PRKAG2: variants seen among roughly 807,000 people sequenced by gnomAD.
PRKAG2 encodes the protein 5'-AMP-activated protein kinase subunit gamma-2.
A neutral mutation model predicts 69.6 loss-of-function variants in PRKAG2; 26 were observed. The ratio of observed to expected loss-of-function variants is 0.37; its 90% CI spans 0.27 to 0.52. The LOEUF (loss-of-function observed/expected upper bound fraction) is 0.52. Ranked by LOEUF, PRKAG2 falls within the 20% of genes least tolerant of loss-of-function variation. The pLI is 0.90. For missense variants in PRKAG2, 557 were observed against 740.0 expected, an observed-to-expected ratio of 0.75 and a Z score of 2.87; for synonymous variants, 293 against 285.0, an observed-to-expected ratio of 1.03 and a Z score of -0.28.
At chr7:151,564,710 C>T (rs1469706993) in intron 13 of PRKAG2, among the ~76,000 whole-genome samples, 1 of 151,902 alleles carries the variant, frequency 6.6e-6, no homozygotes, top group African/African-American at 2.4e-5. Flanking sequence ...GAAGAACAGG[C>T]TTGAGGAGCC....
intron 4 of PRKAG2, among the ~76,000 whole-genome samples, chr7:151,672,800 C>G (rs903384608): frequency 5.3e-5 from 8 of 152,068 alleles, no homozygotes; most frequent in Non-Finnish European, 1.5e-5. Flanking sequence ...GTTGAAATCC[C>G]ACTCGACTGC....
rs1410006596 is a variant in PRKAG2, at chr7:151,814,258, G to A, written c.115-27717C>T. On this transcript the variant is annotated intron_variant, in intron 1 of 15. Coordinates refer to ENST00000287878, the MANE Select transcript of PRKAG2 (RefSeq NM_016203.4). This position sits in a 1 kb window ranked among gnomAD's most constrained non-coding sequence, Gnocchi z 4.8. ...GAAGGAACATTTTGCTCAGCCTTGGGGTATCTGATTTAATAAGAGGCTCTT... is the reference window on the plus strand; with the variant it reads ...GAAGGAACATTTTGCTCAGCCTTGGAGTATCTGATTTAATAAGAGGCTCTT... 6.6e-6 allele frequency among the ~76,000 whole-genome samples: 1 copy of A among 152,088 alleles called. No individual in the cohort carries two copies. The highest frequency in any genetic ancestry group is 1.5e-5 in the Non-Finnish European group (1 of 68,010).
intron 4 of PRKAG2, among the ~76,000 whole-genome samples, chr7:151,646,900 C>T (rs935242354): frequency 6.6e-6 from 1 of 152,232 alleles, no homozygotes; most frequent in East Asian, 1.9e-4. Context: ...CCAGCTGGAG[C>T]GGGTACTCAT....
At chr7:151,764,508 C>T (rs2075622359) in intron 3 of PRKAG2, among the ~76,000 whole-genome samples, 1 of 152,232 alleles carries the variant, frequency 6.6e-6, no homozygotes, top group Admixed American at 6.5e-5. Flanking sequence ...TACTTTCTGA[C>T]TGTCCACCCC....
At chr7:151,572,833 C>A (rs1288701370) in intron 8 of PRKAG2, 124 bp from the exon 9 acceptor site, 5 of 624,862 alleles carry the variant, frequency 8.0e-6, no homozygotes, top group Non-Finnish European at 1.4e-5. Context: ...AATGAGGCGG[C>A]CAGGTGCGGT....
Position 151,645,519 on chromosome 7 carries a change from A to G in PRKAG2, c.685-13381T>C, listed in dbSNP as rs115072584. ...ACCTACAGAAGCTATGAGATAATCA[A>G]TGCATGATTTCAGCCACTAAGTTTG... On this transcript the variant is annotated intron_variant, in intron 4 of 15. Coordinates refer to ENST00000287878, the MANE Select transcript of PRKAG2 (RefSeq NM_016203.4). Among the ~76,000 whole-genome samples the G allele has an allele frequency of 3.8e-3, 572 of 152,328 alleles. 2 individuals are homozygous for G. Among genetic ancestry groups the G allele is most frequent in the African/African-American group, 0.013 (555 of 41,574 alleles).
chr7:151,719,265 C>T lies in PRKAG2; in HGVS notation c.467-43628G>A, dbSNP rs1180657978. Reference sequence around the variant, plus strand: ...TGCAACATGCTTCCCGGCCCCGGCACGCTCAGCCCTGGTCCAACTTATCAT... The same window carrying T: ...TGCAACATGCTTCCCGGCCCCGGCATGCTCAGCCCTGGTCCAACTTATCAT... On this transcript the variant is annotated intron_variant, in intron 3 of 15. Transcript: ENST00000287878. This position sits in a 1 kb window ranked among gnomAD's most constrained non-coding sequence, Gnocchi z 5.2. Among the ~76,000 whole-genome samples, 35 of 152,136 alleles carry T rather than the reference C, an allele frequency of 2.3e-4. No individual in the cohort carries two copies. The highest frequency in any genetic ancestry group is 2.2e-3 in the Admixed American group (34 of 15,280).
In PRKAG2 at chr7:151,569,080, T is replaced by G. The variant is rs544488819; in HGVS notation, c.1107-238A>C. On this transcript the variant is annotated intron_variant, in intron 10 of 15. Coordinates refer to ENST00000287878, the MANE Select transcript of PRKAG2 (RefSeq NM_016203.4). ...GAAGAGGAGATTTTTTTTGGTTTGT[T>G]TTTTTGAGACAGGGTCTTGCTCTGT... is the stretch of plus-strand genomic sequence containing the variant. 9.1e-4 allele frequency among the ~76,000 whole-genome samples: 138 copies of G among 152,312 alleles called. 2 individuals carry two copies. Among genetic ancestry groups the G allele is most frequent in the Non-Finnish European group, 1.8e-3 (120 of 68,022 alleles).
intron 1 of PRKAG2, chr7:151,810,147 C>A (rs1019892969): frequency 6.6e-6 from 1 of 152,208 alleles, no homozygotes; most frequent in African/African-American, 2.4e-5. Context: ...GGCAAGTGGA[C>A]CCTAGTAGAC....
At chr7:151,853,791 C>T (rs2079638850) in intron 1 of PRKAG2, among the ~76,000 whole-genome samples, 1 of 149,772 alleles carries the variant, frequency 6.7e-6, no homozygotes, top group Non-Finnish European at 1.5e-5. Flanking sequence ...CAAATATTGG[C>T]TATTCCACGC....
In PRKAG2 at chr7:151,557,345, T is replaced by G; in HGVS notation, c.1679-113A>C. The G allele has an allele frequency of 1.9e-6, 3 of 1,609,052 alleles. No homozygotes were observed. In the South Asian group the frequency reaches 3.3e-5, roughly 18 times the overall value. On this transcript the variant is annotated intron_variant, in intron 15 of 15. Coordinates refer to ENST00000287878, the MANE Select transcript of PRKAG2 (RefSeq NM_016203.4). ...GCCTTAGGAGGATGATCCAGAGGCT[T>G]CGGAGGAGGGCGATGTGGGAAGGAG...
At chr7:151,706,252 T>C (rs559125326) in intron 3 of PRKAG2, among the ~76,000 whole-genome samples, 23 of 152,348 alleles carry the variant, frequency 1.5e-4, no homozygotes, top group African/African-American at 4.1e-4. Context: ...TGTCTCCTCC[T>C]GCCTCTTTGC....
chr7:151,569,492 A>G (rs1584960755), intron 10 of PRKAG2, among the ~76,000 whole-genome samples: 1 of 152,066 alleles, frequency 6.6e-6, no homozygotes, highest in Non-Finnish European at 1.5e-5. Flanking sequence ...AACTGGCTCT[A>G]CCCCGGGCCG....
At chr7:151,725,074 C>T (rs1304059544) in intron 3 of PRKAG2, among the ~76,000 whole-genome samples, 3 of 152,040 alleles carry the variant, frequency 2.0e-5, no homozygotes, top group Admixed American at 6.5e-5. Context: ...CGAGGTCGGC[C>T]CTGCCTCAAA....
chr7:151,743,460 T>C (rs779951210), intron 3 of PRKAG2, among the ~76,000 whole-genome samples: 14 of 152,246 alleles, frequency 9.2e-5, no homozygotes, highest in Non-Finnish European at 1.6e-4. Context: ...GTTCTTTACG[T>C]GTGTCTTCTG....
In PRKAG2 at chr7:151,562,465, T is replaced by TTAATAA. The variant is rs137999193; in HGVS notation, c.1584+1607_1584+1612dup. Reference sequence around the variant, plus strand: ...TGTTTCTGTCATAGGTTGCTTTAGGTTAATAATAATAATAATAATAATGGC... The same window carrying TTAATAA: ...TGTTTCTGTCATAGGTTGCTTTAGGTTAATAATAATAATAATAATAATAATAATGGC... On this transcript the variant is annotated intron_variant, in intron 14 of 15. Coordinates refer to ENST00000287878, the MANE Select transcript of PRKAG2 (RefSeq NM_016203.4). 1.7e-3 allele frequency among the ~76,000 whole-genome samples: 247 copies of TTAATAA among 149,590 alleles called. 1 individual carries two copies. Among genetic ancestry groups the TTAATAA allele is most frequent in the South Asian group, 7.0e-3 (33 of 4,720 alleles).
chr7:151,617,687 T>C (rs2538042), intron 5 of PRKAG2, among the ~76,000 whole-genome samples: 1 of 151,882 alleles, frequency 6.6e-6, no homozygotes, highest in African/African-American at 2.4e-5. Context: ...CATAGTAACA[T>C]ATTCAAAACT....
At chr7:151,801,621 G>A (rs972399191) in intron 1 of PRKAG2, among the ~76,000 whole-genome samples, 10 of 152,212 alleles carry the variant, frequency 6.6e-5, no homozygotes, top group East Asian at 3.9e-4. Flanking sequence ...AAACCACGGC[G>A]CTAATGAACC....
chr7:151,649,406 G>T (rs1048249143), intron 4 of PRKAG2, among the ~76,000 whole-genome samples: 2 of 152,178 alleles, frequency 1.3e-5, no homozygotes, highest in Non-Finnish European at 2.9e-5. Context: ...GATTACAGGT[G>T]TGAACCACCG....
Sources: allele counts gnomAD v4.1 joint callset (sites outside exome capture counted in the v4.1 genomes callset), GRCh38; gene constraint gnomAD v4.1.1; non-coding constraint Gnocchi (gnomAD v3.1); transcripts MANE v1.5; gene names NCBI Gene and HGNC (gene_info 2026-07-23, HGNC 2026-07-21).